TTLL13: variants seen among roughly 807,000 people sequenced by gnomAD.
TTLL13 encodes tubulin tyrosine ligase like 13, also known as tubulin polyglutamylase TTLL13.
the TTLL13 span, among the ~76,000 whole-genome samples, chr15:90,256,583 T>C: frequency 1.6e-3 from 59 of 36,220 alleles, no homozygotes; most frequent in Non-Finnish European, 2.5e-3. Flanking sequence ...CTTTCTTTCT[T>C]TCTTTCTTTC....
the TTLL13 span, chr15:90,256,180 C>T: frequency 6.2e-7 from 1 of 1,614,194 alleles, no homozygotes; most frequent in Non-Finnish European, 8.5e-7. Flanking sequence ...AGCGAAAAGC[C>T]CGCACATATA....
chr15:90,262,361 CCT>C, the TTLL13 span: 1 of 1,156,554 alleles, frequency 8.6e-7, no homozygotes, highest in South Asian at 1.7e-5. Flanking sequence ...CCTATCTTCC[CCT>C]CTCATTGCTC....
At chr15:90,263,525 T>C in the TTLL13 span, 2 of 541,346 alleles carry the variant, frequency 3.7e-6, no homozygotes, top group South Asian at 5.5e-5. Context: ...GGGAGATAAG[T>C]AAACAGATTT....
the TTLL13 span, chr15:90,262,629 C>A: frequency 1.6e-5 from 25 of 1,521,158 alleles, no homozygotes; most frequent in Non-Finnish European, 2.2e-5. Context: ...CAGAGCCTTT[C>A]CACCCACTTG....
the TTLL13 span, among the ~76,000 whole-genome samples, chr15:90,256,567 TTCTTTC>T: frequency 9.9e-5 from 3 of 30,446 alleles, no homozygotes; most frequent in South Asian, 3.5e-3. Context: ...CTTTCTTTCT[TTCTTTC>T]TTTCTTTCTT....
chr15:90,250,635 A>T, the TTLL13 span: 1 of 1,612,742 alleles, frequency 6.2e-7, no homozygotes, highest in Non-Finnish European at 8.5e-7. Context: ...GAGAGAATGG[A>T]GCCGAGTACC....
chr15:90,256,328 C>A, the TTLL13 span: 2 of 1,613,536 alleles, frequency 1.2e-6, no homozygotes, highest in Non-Finnish European at 1.7e-6. Flanking sequence ...ATCAGCCTTC[C>A]CTAGTCCCCA....
At chr15:90,263,310 T>C in the TTLL13 span, 2 of 615,834 alleles carry the variant, frequency 3.2e-6, no homozygotes, top group Non-Finnish European at 5.5e-6. Context: ...TGTTGATTCC[T>C]TTTGCGTCTG....
the TTLL13 span, chr15:90,253,189 C>T: frequency 7.0e-7 from 1 of 1,431,202 alleles, no homozygotes; most frequent in Non-Finnish European, 9.8e-7. Flanking sequence ...CCCAGCTACA[C>T]AGTTCCAGGG....
the TTLL13 span, chr15:90,264,805 T>C: frequency 1.2e-5 from 19 of 1,535,984 alleles, no homozygotes; most frequent in South Asian, 1.8e-4. Flanking sequence ...AGCAGGGCTA[T>C]TTTCTGCAAC....
chr15:90,253,734 A>G, the TTLL13 span, among the ~76,000 whole-genome samples: 2 of 152,192 alleles, frequency 1.3e-5, no homozygotes, highest in East Asian at 3.8e-4. Flanking sequence ...TAAGCAACTT[A>G]GTTTAGCATT....
At chr15:90,250,352 C>A in the TTLL13 span, among the ~76,000 whole-genome samples, 32 of 152,276 alleles carry the variant, frequency 2.1e-4, no homozygotes, top group African/African-American at 5.8e-4. Context: ...CTGAAGGCAC[C>A]CCTGTGCGTT....
chr15:90,255,345 G>A, the TTLL13 span, among the ~76,000 whole-genome samples: 1 of 152,188 alleles, frequency 6.6e-6, no homozygotes, highest in South Asian at 2.1e-4. Context: ...CCTTGGGGCT[G>A]GTTCTTAGTT....
At chr15:90,250,670 G>C in the TTLL13 span, 1 of 1,614,152 alleles carries the variant, frequency 6.2e-7, no homozygotes, top group Non-Finnish European at 8.5e-7. Flanking sequence ...ATCAGAGGAA[G>C]ACTATGTTGA....
At chr15:90,258,547 G>C in the TTLL13 span, 1 of 618,232 alleles carries the variant, frequency 1.6e-6, no homozygotes, top group Non-Finnish European at 2.8e-6. Flanking sequence ...AGGCAGGCCA[G>C]CTGATTTGCT....
the TTLL13 span, among the ~76,000 whole-genome samples, chr15:90,254,429 G>A: frequency 6.7e-6 from 1 of 149,750 alleles, no homozygotes; most frequent in African/African-American, 2.5e-5. Context: ...GGAGGCGGAG[G>A]TTGCAGTGAG....
the TTLL13 span, among the ~76,000 whole-genome samples, chr15:90,254,425 G>A: frequency 3.4e-5 from 5 of 148,156 alleles, no homozygotes; most frequent in Admixed American, 7.0e-5. Context: ...CCCAGGAGGC[G>A]GAGGTTGCAG....
At chr15:90,260,088 GGAC>G in the TTLL13 span, among the ~76,000 whole-genome samples, 1 of 152,182 alleles carries the variant, frequency 6.6e-6, no homozygotes, top group Non-Finnish European at 1.5e-5. Flanking sequence ...CCACAAGACT[GGAC>G]TGTGTACCTG....
At chr15:90,251,510 C>A in the TTLL13 span, 1 of 1,573,318 alleles carries the variant, frequency 6.4e-7, no homozygotes, top group Non-Finnish European at 8.7e-7. Flanking sequence ...AGTACCTGTC[C>A]TTCCCTCCCA....
Sources: allele counts gnomAD v4.1 joint callset (sites outside exome capture counted in the v4.1 genomes callset), GRCh38; gene constraint gnomAD v4.1.1; transcripts MANE v1.5; gene names NCBI Gene and HGNC (gene_info 2026-07-23, HGNC 2026-07-21).